ADAMTS19: variants seen among roughly 807,000 people sequenced by gnomAD.
The protein encoded by ADAMTS19 is A disintegrin and metalloproteinase with thrombospondin motifs 19.
In ADAMTS19, 93 loss-of-function variants were observed where a neutral mutation model predicts 153.3. The ratio of observed to expected loss-of-function variants is 0.61; its 90% confidence interval spans 0.51 to 0.72. ADAMTS19 has a LOEUF of 0.72. Ranked by LOEUF, ADAMTS19 falls within the 30% of genes least tolerant of loss-of-function variation. The pLI is 0.00. For missense variants in ADAMTS19, 1,482 were observed against 1,552.1 expected, an observed-to-expected ratio of 0.95 and a Z score of 0.76; for synonymous variants, 600 against 556.6, an observed-to-expected ratio of 1.08 and a Z score of -1.10.
intron 7 of ADAMTS19, among the ~76,000 whole-genome samples, chr5:129,576,647 T>C (rs554042785): frequency 1.9e-3 from 288 of 151,992 alleles, no homozygotes; most frequent in African/African-American, 6.3e-3. Context: ...ACCTCTCATC[T>C]GGTGCTTTCC....
At chr5:129,491,833 A>G (rs972230698) in intron 2 of ADAMTS19, among the ~76,000 whole-genome samples, 2 of 152,182 alleles carry the variant, frequency 1.3e-5, no homozygotes, top group Non-Finnish European at 2.9e-5. Context: ...AGAGTGATAC[A>G]TAGATTATGT....
chr5:129,705,864 C>T (rs1756128360), intron 21 of ADAMTS19, among the ~76,000 whole-genome samples: 1 of 152,106 alleles, frequency 6.6e-6, no homozygotes, highest in South Asian at 2.1e-4. Flanking sequence ...AGTGGTTAAG[C>T]CACTGAATTA....
Position 129,504,388 on chromosome 5 carries a change from AATAC to A in ADAMTS19, c.748-4682_748-4679del, listed in dbSNP as rs142898536. Reference sequence around the variant, plus strand: ...ATTACTTTAAATGACAAAAATTACAAATACATACATCACAAATGCACATATTTTT... The same window carrying A: ...ATTACTTTAAATGACAAAAATTACAAATACATCACAAATGCACATATTTTT... On this transcript the variant is annotated intron_variant, in intron 2 of 22. Coordinates refer to ENST00000274487, the MANE Select transcript of ADAMTS19 (RefSeq NM_133638.6). Among the ~76,000 whole-genome samples the A allele has an allele frequency of 9.5e-4, 145 of 152,320 alleles. 1 individual carries two copies. The East Asian group carries it at 0.024, about 25-fold the overall frequency.
chr5:129,578,764 C>T (rs112104764), intron 7 of ADAMTS19, among the ~76,000 whole-genome samples: 133 of 152,244 alleles, frequency 8.7e-4, no homozygotes, highest in African/African-American at 3.1e-3. Flanking sequence ...CCACAAAGGA[C>T]ATGAACTCAT....
At chr5:129,525,701 G>A (rs1009207722) in intron 3 of ADAMTS19, among the ~76,000 whole-genome samples, 2 of 151,864 alleles carry the variant, frequency 1.3e-5, no homozygotes, top group Admixed American at 6.6e-5. Context: ...CATGATTTTT[G>A]TTTCTGCTCT....
intron 21 of ADAMTS19, among the ~76,000 whole-genome samples, chr5:129,728,066 G>T (rs950902001): frequency 6.6e-6 from 1 of 152,010 alleles, no homozygotes; most frequent in Non-Finnish European, 1.5e-5. Context: ...GTGTCTTCTG[G>T]TCCTCCTCAC....
intron 15 of ADAMTS19, among the ~76,000 whole-genome samples, chr5:129,665,257 T>G (rs1029527851): frequency 1.2e-4 from 18 of 150,714 alleles, no homozygotes; most frequent in African/African-American, 3.4e-4. Context: ...TGAGATTTTT[T>G]TGTTTGTTTT....
At chr5:129,602,512 A>T (rs1477068561) in intron 8 of ADAMTS19, among the ~76,000 whole-genome samples, 1 of 152,196 alleles carries the variant, frequency 6.6e-6, no homozygotes, top group South Asian at 2.1e-4. Flanking sequence ...TTCATATCTA[A>T]TTCAACTGCA....
At chr5:129,563,764 T>C (rs1268873744) in intron 7 of ADAMTS19, among the ~76,000 whole-genome samples, 1 of 152,212 alleles carries the variant, frequency 6.6e-6, no homozygotes, top group East Asian at 1.9e-4. Context: ...AAATAGAATA[T>C]ATTCAGTGTG....
intron 7 of ADAMTS19, among the ~76,000 whole-genome samples, chr5:129,580,201 G>T (rs1348321205): frequency 6.6e-6 from 1 of 152,132 alleles, no homozygotes; most frequent in Non-Finnish European, 1.5e-5. Flanking sequence ...TGTAGCAATT[G>T]TGAATGGGAG....
At chr5:129,509,622 A>T (rs1398293302) in intron 3 of ADAMTS19, among the ~76,000 whole-genome samples, 1 of 152,024 alleles carries the variant, frequency 6.6e-6, no homozygotes, top group South Asian at 2.1e-4. Flanking sequence ...TGAAAGCATC[A>T]TAGATATCTC....
intron 21 of ADAMTS19, among the ~76,000 whole-genome samples, chr5:129,717,170 G>T (rs1038119723): frequency 1.3e-5 from 2 of 152,050 alleles, no homozygotes; most frequent in African/African-American, 4.8e-5. Context: ...TTACATTATT[G>T]CCATTTCAGT....
chr5:129,612,024 G>A (rs942810256), intron 8 of ADAMTS19, among the ~76,000 whole-genome samples: 4 of 151,698 alleles, frequency 2.6e-5, no homozygotes, highest in African/African-American at 9.7e-5. Flanking sequence ...TGCACAATGT[G>A]CAGTTTGTTA....
chr5:129,643,682 C>T (rs1005292408), intron 11 of ADAMTS19, among the ~76,000 whole-genome samples: 3 of 151,830 alleles, frequency 2.0e-5, no homozygotes, highest in Non-Finnish European at 4.4e-5. Context: ...GAAAATGATT[C>T]CTTAGAGGGA....
intron 6 of ADAMTS19, among the ~76,000 whole-genome samples, chr5:129,548,709 A>G (rs867303354): frequency 5.9e-5 from 9 of 152,018 alleles, no homozygotes; most frequent in South Asian, 4.1e-4. Flanking sequence ...TCATGCTGCT[A>G]TAAAGACACA....
At chr5:129,637,913 G>A (rs905439030) in intron 10 of ADAMTS19, among the ~76,000 whole-genome samples, 3 of 152,028 alleles carry the variant, frequency 2.0e-5, no homozygotes, top group African/African-American at 7.2e-5. Context: ...GGCACTAAAT[G>A]ATACGAACTT....
At chr5:129,736,931 T>C in intron 22 of ADAMTS19, 136 bp from the exon 23 acceptor site, 2 of 731,592 alleles carry the variant, frequency 2.7e-6, no homozygotes, top group African/African-American at 1.8e-5. Flanking sequence ...ATCTCTTTCT[T>C]GTTTAAATTC....
At chr5:129,500,798 T>C (rs1751076138) in intron 2 of ADAMTS19, among the ~76,000 whole-genome samples, 1 of 152,076 alleles carries the variant, frequency 6.6e-6, no homozygotes, top group Non-Finnish European at 1.5e-5. Context: ...ACAAAGTTGA[T>C]ACTAATAAGC....
intron 2 of ADAMTS19, among the ~76,000 whole-genome samples, chr5:129,481,746 C>T (rs758840279): frequency 2.6e-5 from 4 of 151,964 alleles, no homozygotes; most frequent in Non-Finnish European, 5.9e-5. Flanking sequence ...AAAGAGAATC[C>T]CCAGTTCCCG....
Sources: allele counts gnomAD v4.1 joint callset (sites outside exome capture counted in the v4.1 genomes callset), GRCh38; gene constraint gnomAD v4.1.1; transcripts MANE v1.5; gene names NCBI Gene and HGNC (gene_info 2026-07-23, HGNC 2026-07-21).